The following EHMT1 variants were observed in gnomAD, a reference collection of about 807,000 sequenced individuals.
The protein encoded by EHMT1 is histone-lysine N-methyltransferase EHMT1.
In EHMT1, 15 loss-of-function variants were observed where a neutral mutation model predicts 147.2. The ratio of observed to expected loss-of-function variants is 0.10; its 90% CI spans 0.07 to 0.16. EHMT1 has a LOEUF of 0.16. Ranked by LOEUF, EHMT1 falls within the 10% of genes least tolerant of loss-of-function variation. EHMT1 has a pLI of 1.00. For synonymous variants in EHMT1, 795 were observed against 709.6 expected (o/e 1.12, Z -1.91); for missense variants, 1,587 against 1,772.4 (o/e 0.90, Z 1.88).
chr9:137,654,402 A>G (rs942476994), intron 1 of EHMT1, among the ~76,000 whole-genome samples: 3 of 143,908 alleles, frequency 2.1e-5, no homozygotes, highest in Non-Finnish European at 3.1e-5. Context: ...CAAAAAAAAA[A>G]GAGAAAAATT....
At chr9:137,802,574 T>A in intron 18 of EHMT1, 1 of 398,614 alleles carries the variant, frequency 2.5e-6, no homozygotes. Flanking sequence ...ACACTTCCTC[T>A]CAGAGCTTGA....
intron 18 of EHMT1, among the ~76,000 whole-genome samples, chr9:137,807,397 G>A (rs1156367749): frequency 6.6e-6 from 1 of 151,922 alleles, no homozygotes; most frequent in Non-Finnish European, 1.5e-5. Context: ...AAGTTCTGTT[G>A]GAGTCTTTCA....
At chr9:137,756,850 C>T (rs949067128) in intron 8 of EHMT1, among the ~76,000 whole-genome samples, 2 of 152,118 alleles carry the variant, frequency 1.3e-5, no homozygotes, top group Non-Finnish European at 2.9e-5. Flanking sequence ...TACTCCTGTT[C>T]TTCAAGTTGA....
At position 137,782,924 on chromosome 9, in the gene EHMT1, C is replaced by T. The variant is rs903203932; in HGVS notation, c.2382+527C>T. 6.6e-6 allele frequency among the ~76,000 whole-genome samples: 1 copy of T among 152,212 alleles called. No individual in the cohort carries two copies. The highest frequency in any genetic ancestry group is 2.4e-5 in the African/African-American group (1 of 41,456). On this transcript the variant is annotated intron_variant, in intron 15 of 26. Transcript: ENST00000460843. The surrounding 1 kb of genome is among the most constrained non-coding windows in gnomAD (Gnocchi z 5.7). ...GCCCGCTTGTCTCTGGGTTCAGACACACGACGCTGTTTGTCCCCCTGTGAC... is the reference window on the plus strand; with the variant it reads ...GCCCGCTTGTCTCTGGGTTCAGACATACGACGCTGTTTGTCCCCCTGTGAC...
At chr9:137,637,446 A>G (rs1285833667) in intron 1 of EHMT1, 2 of 152,196 alleles carry the variant, frequency 1.3e-5, no homozygotes, top group Admixed American at 1.3e-4. Flanking sequence ...AAATGCTGGG[A>G]TTACAGGTGT....
chr9:137,681,516 A>G (rs1244778191), intron 1 of EHMT1, among the ~76,000 whole-genome samples: 4 of 152,186 alleles, frequency 2.6e-5, no homozygotes, highest in African/African-American at 9.6e-5. Flanking sequence ...GTAGCAAAAT[A>G]TGTTGTTTTT....
chr9:137,717,318 G>T, intron 3 of EHMT1, 136 bp downstream of exon 3: 1 of 1,175,040 alleles, frequency 8.5e-7, no homozygotes. Flanking sequence ...GGAGCTAGGA[G>T]AAGGCCGGGA....
chr9:137,718,752 TTC>T (rs952747038), intron 3 of EHMT1, among the ~76,000 whole-genome samples: 2 of 150,372 alleles, frequency 1.3e-5, no homozygotes, highest in Admixed American at 6.6e-5. Flanking sequence ...CTTTTTCTTT[TTC>T]TTTTTCTTTT....
chr9:137,805,284 T>C (rs1953851915), intron 18 of EHMT1, among the ~76,000 whole-genome samples: 1 of 152,192 alleles, frequency 6.6e-6, no homozygotes, highest in South Asian at 2.1e-4. Flanking sequence ...TCTGCATGTA[T>C]GAGTCAGTCA....
intron 1 of EHMT1, among the ~76,000 whole-genome samples, chr9:137,631,593 A>G (rs1262138616): frequency 1.3e-5 from 2 of 151,492 alleles, no homozygotes; most frequent in East Asian, 3.9e-4. Context: ...ATTAGAATGA[A>G]GGTCAGGCGT....
chr9:137,810,289 G>A (rs1009785013), intron 18 of EHMT1, among the ~76,000 whole-genome samples: 48 of 152,270 alleles, frequency 3.2e-4, no homozygotes, highest in Admixed American at 1.5e-3. Flanking sequence ...GCCGCCCTGC[G>A]TGAAAGGCGC....
intron 1 of EHMT1, among the ~76,000 whole-genome samples, chr9:137,633,226 G>T (rs1488578668): frequency 6.6e-6 from 1 of 152,152 alleles, no homozygotes; most frequent in African/African-American, 2.4e-5. Context: ...TTCTGAGCAG[G>T]CTGGATAGTA....
At chr9:137,789,838 T>TC (rs1952377837) in intron 15 of EHMT1, among the ~76,000 whole-genome samples, 1 of 152,268 alleles carries the variant, frequency 6.6e-6, no homozygotes. Context: ...CAAGCAACTC[T>TC]CCTGCCTCAG....
At chr9:137,703,715 A>C (rs1297291790) in intron 1 of EHMT1, among the ~76,000 whole-genome samples, 1 of 152,084 alleles carries the variant, frequency 6.6e-6, no homozygotes, top group Non-Finnish European at 1.5e-5. Context: ...AACCATTCAA[A>C]AAGCCTCTAG....
chr9:137,752,577 C>T (rs1434002862), intron 7 of EHMT1, among the ~76,000 whole-genome samples, 169 bp downstream of exon 7: 1 of 152,228 alleles, frequency 6.6e-6, no homozygotes, highest in African/African-American at 2.4e-5. Flanking sequence ...GGCAAAGCCT[C>T]ATGAGAAAGA....
At chr9:137,634,656 C>CCTTG (rs200858298) in intron 1 of EHMT1, among the ~76,000 whole-genome samples, 3 of 147,534 alleles carry the variant, frequency 2.0e-5, no homozygotes, top group East Asian at 2.0e-4. Flanking sequence ...AGATTGGGTC[C>CCTTG]CTTGCTTGCT....
intron 1 of EHMT1, among the ~76,000 whole-genome samples, chr9:137,688,688 T>C (rs1337973345): frequency 6.6e-6 from 1 of 152,268 alleles, no homozygotes; most frequent in Non-Finnish European, 1.5e-5. Context: ...GTCCAACCGC[T>C]ATCCACTTGA....
Position 137,710,977 on chromosome 9 carries a change from C to A in EHMT1, c.32C>A (p.Ala11Glu). 6.3e-7 allele frequency: 1 copy of A among 1,597,570 alleles called. No homozygotes were observed. Residue 11 changes from alanine to glutamate, a missense_variant, in exon 2 of 27, where the codon GCG becomes GAG. Ala to Glu is a moderately radical substitution (Grantham distance 107, BLOSUM62 -1). Transcript: ENST00000460843. MAAADAEAVPARGEPQQDCCV... is the reference protein window; with the variant it reads MAAADAEAVPERGEPQQDCCV... Reference sequence around the variant, plus strand: ...GTTTCTCTCTAACAGGCAGTTCCGGCGAGGGGGGAGCCTCAGCAGGATTGC... The same window carrying A: ...GTTTCTCTCTAACAGGCAGTTCCGGAGAGGGGGGAGCCTCAGCAGGATTGC...
chr9:137,715,477 T>A (rs1159099770), intron 2 of EHMT1: 44 of 932,920 alleles, frequency 4.7e-5, no homozygotes, highest in Non-Finnish European at 5.5e-5. Context: ...ACGGCCAGCA[T>A]GACAGATGAT....
Sources: allele counts gnomAD v4.1 joint callset (sites outside exome capture counted in the v4.1 genomes callset), GRCh38; gene constraint gnomAD v4.1.1; non-coding constraint Gnocchi (gnomAD v3.1); transcripts MANE v1.5; gene names NCBI Gene and HGNC (gene_info 2026-07-23, HGNC 2026-07-21).